Variants in DUSP29 observed in about 807,000 individuals in gnomAD.
DUSP29 encodes atypical dual-specific protein phosphatase.
In DUSP29, 12 loss-of-function variants were observed where a neutral mutation model predicts 13.5. The observed-to-expected ratio is 0.89, with a 90% confidence interval of 0.57 to 1.44. The LOEUF (loss-of-function observed/expected upper bound fraction) is 1.44. Ranked by LOEUF, DUSP29 falls within the 40% of genes most tolerant of loss-of-function variation. The pLI, the probability that DUSP29 is intolerant of heterozygous loss-of-function variation, is 0.00. For synonymous variants in DUSP29, 134 were observed against 128.7 expected, an observed-to-expected ratio of 1.04 and a Z score of -0.28; for missense variants, 308 against 301.1, an observed-to-expected ratio of 1.02 and a Z score of -0.17.
At chr10:75,054,726 G>A (rs1846918172) in intron 2 of DUSP29, among the ~76,000 whole-genome samples, 1 of 152,072 alleles carries the variant, frequency 6.6e-6, no homozygotes, top group Admixed American at 6.6e-5. Flanking sequence ...ACTAGGCAGT[G>A]CACTATTTTA....
At chr10:75,070,948 C>T (rs1589871670) in intron 1 of DUSP29, among the ~76,000 whole-genome samples, 1 of 152,232 alleles carries the variant, frequency 6.6e-6, no homozygotes, top group Non-Finnish European at 1.5e-5. Flanking sequence ...GGACAAACAG[C>T]TAACTCCTGG....
intron 1 of DUSP29, among the ~76,000 whole-genome samples, chr10:75,061,778 C>T (rs1847093476): frequency 6.6e-6 from 1 of 152,028 alleles, no homozygotes; most frequent in Non-Finnish European, 1.5e-5. Flanking sequence ...CTCTCTGTAG[C>T]CTTGGTGTCT....
chr10:75,057,782 C>A (rs75760345), intron 2 of DUSP29, among the ~76,000 whole-genome samples: 10,855 of 152,246 alleles, frequency 0.071, 512 homozygotes, highest in South Asian at 0.25. Context: ...CCTGCACCAT[C>A]CACCTAAGAA....
At chr10:75,068,513 G>T (rs1847251858) in intron 1 of DUSP29, among the ~76,000 whole-genome samples, 1 of 152,142 alleles carries the variant, frequency 6.6e-6, no homozygotes, top group Admixed American at 6.5e-5. Flanking sequence ...AAGGCATTCT[G>T]TATCTGTGCC....
At chr10:75,052,731 C>T (rs1049624065) in intron 2 of DUSP29, among the ~76,000 whole-genome samples, 1 of 152,180 alleles carries the variant, frequency 6.6e-6, no homozygotes, top group Admixed American at 6.5e-5. Flanking sequence ...AGATTACAGG[C>T]GTGAGCCACC....
intron 1 of DUSP29, among the ~76,000 whole-genome samples, chr10:75,072,350 C>A (rs1342825172): frequency 6.6e-6 from 1 of 152,168 alleles, no homozygotes; most frequent in Non-Finnish European, 1.5e-5. Context: ...CGTCTGTATG[C>A]TCCTCTAGAG....
At chr10:75,038,882 G>A (rs1846527592) in intron 3 of DUSP29, among the ~76,000 whole-genome samples, 1 of 152,214 alleles carries the variant, frequency 6.6e-6, no homozygotes, top group Non-Finnish European at 1.5e-5. Flanking sequence ...ACTTTGGGAG[G>A]CTGAGGTGGG....
chr10:75,052,556 C>T (rs1846859707), intron 2 of DUSP29, among the ~76,000 whole-genome samples: 1 of 152,204 alleles, frequency 6.6e-6, no homozygotes, highest in Non-Finnish European at 1.5e-5. Context: ...ATCCGCCTGC[C>T]TCGGCCTCCC....
chr10:75,051,183 G>A (rs117013570), intron 2 of DUSP29, among the ~76,000 whole-genome samples: 10 of 152,118 alleles, frequency 6.6e-5, no homozygotes, highest in South Asian at 2.1e-4. Flanking sequence ...TCTGACCCAG[G>A]GTTGTTTTCT....
intron 1 of DUSP29, among the ~76,000 whole-genome samples, chr10:75,070,989 C>T (rs905766556): frequency 6.6e-6 from 1 of 152,164 alleles, no homozygotes; most frequent in African/African-American, 2.4e-5. Context: ...GTTTCCAGGC[C>T]GGGCCTCCCT....
chr10:75,070,108 A>C, intron 1 of DUSP29, among the ~76,000 whole-genome samples: 1 of 148,352 alleles, frequency 6.7e-6, no homozygotes. Context: ...GAAGGAAGGA[A>C]GGAAGGAAGG....
intron 2 of DUSP29, among the ~76,000 whole-genome samples, chr10:75,046,158 A>G (rs553356859): frequency 7.9e-5 from 12 of 152,092 alleles, no homozygotes; most frequent in Non-Finnish European, 1.5e-4. Context: ...AGAAAAATCA[A>G]TCTGGCTGAT....
intron 1 of DUSP29, among the ~76,000 whole-genome samples, chr10:75,065,336 A>G (rs1847173388): frequency 6.6e-6 from 1 of 152,076 alleles, no homozygotes; most frequent in South Asian, 2.1e-4. Flanking sequence ...CCTAGGAATG[A>G]GAGCATGTGT....
intron 1 of DUSP29, among the ~76,000 whole-genome samples, chr10:75,064,535 T>G (rs1564646054): frequency 6.6e-6 from 1 of 152,008 alleles, no homozygotes; most frequent in African/African-American, 2.4e-5. Context: ...CAAAAAAAGT[T>G]TTTTGTAGAG....
chr10:75,052,354 T>C (rs1846853273), intron 2 of DUSP29, among the ~76,000 whole-genome samples: 1 of 149,444 alleles, frequency 6.7e-6, no homozygotes, highest in African/African-American at 2.5e-5. Flanking sequence ...GTCACCAGGC[T>C]GGAGTGCAGT....
rs200532912 is a variant in DUSP29 at position 75,058,346 on chromosome 10, C to G, written c.169G>C (p.Glu57Gln). The G allele has an allele frequency of 6.2e-7, 1 of 1,614,010 alleles. No individual in the cohort carries two copies. The highest frequency in any genetic ancestry group is 8.5e-7 in the Non-Finnish European group (1 of 1,180,026). Reference sequence around the variant, plus strand: ...CCAATGTAGAGCTTGGGCCAGACCTCGTTGACGTGGGTGTACTGGGGACTG... The same window carrying G: ...CCAATGTAGAGCTTGGGCCAGACCTGGTTGACGTGGGTGTACTGGGGACTG... The part of the protein sequence containing the change: ...KGSPQYTHVN[E>Q]VWPKLYIGDE... The change falls in exon 2 of 4, where the codon GAG becomes CAG. Residue 57 changes from glutamate to glutamine, a missense_variant. By Grantham distance (29) the Glu-to-Gln change is conservative. Transcript: ENST00000338487.
chr10:75,068,147 T>C (rs566767308), intron 1 of DUSP29, among the ~76,000 whole-genome samples: 5 of 152,146 alleles, frequency 3.3e-5, no homozygotes, highest in South Asian at 2.1e-4. Context: ...TATATACATA[T>C]AACAGAAAAG....
At chr10:75,042,035 T>C (rs1846595241) in intron 3 of DUSP29, among the ~76,000 whole-genome samples, 3 of 152,234 alleles carry the variant, frequency 2.0e-5, no homozygotes, top group Admixed American at 6.5e-5. Flanking sequence ...AACTTTACGA[T>C]GATGATGTGC....
chr10:75,058,525 A>C lies in DUSP29; in HGVS notation c.-11T>G. The stretch of plus-strand genomic sequence containing the variant: ...TTCTCCAGATGTCATTTTAGAGCCA[A>C]GGGATTTTCTCTCCTTTCTGCAGCT... On this transcript the variant is annotated 5_prime_UTR_variant, in exon 2 of 4. Coordinates refer to ENST00000338487, the MANE Select transcript of DUSP29 (RefSeq NM_001003892.3). 2 of 1,613,848 alleles carry C rather than the reference A, an allele frequency of 1.2e-6. No individual in the cohort carries two copies. Among genetic ancestry groups the C allele is most frequent in the Non-Finnish European group, 1.7e-6 (2 of 1,180,004 alleles).
Sources: allele counts gnomAD v4.1 joint callset (sites outside exome capture counted in the v4.1 genomes callset), GRCh38; gene constraint gnomAD v4.1.1; transcripts MANE v1.5; gene names NCBI Gene and HGNC (gene_info 2026-07-23, HGNC 2026-07-21).